The following HK1 variants were observed in gnomAD, a reference collection of about 807,000 sequenced individuals.
The protein encoded by HK1 is hexokinase 1.
HK1 carries 28 observed loss-of-function variants against 91.6 expected under a neutral mutation model. The observed-to-expected ratio is 0.31, with a 90% CI of 0.23 to 0.42. The LOEUF (loss-of-function observed/expected upper bound fraction) is 0.42. HK1 is among the 10% of genes least tolerant of loss of function. HK1 has a pLI of 1.00. For missense variants in HK1, 770 were observed against 1,219.8 expected (o/e 0.63, Z 5.49); for synonymous variants, 430 against 468.1 (o/e 0.92, Z 1.05).
At chr10:69,319,186 C>G in intron 1 of HK1, 176 bp downstream of exon 1, 1 of 779,028 alleles carries the variant, frequency 1.3e-6, no homozygotes, top group Non-Finnish European at 2.1e-6. Flanking sequence ...TTGTCAGTGT[C>G]TCTGTGTGTG....
chr10:69,370,064 G>T (rs1035913064), intron 7 of HK1, among the ~76,000 whole-genome samples: 2 of 152,192 alleles, frequency 1.3e-5, no homozygotes, highest in African/African-American at 2.4e-5. Flanking sequence ...TGCATTATTT[G>T]TTGCTCCTTG....
At chr10:69,393,842 A>G (rs1840020093) in intron 15 of HK1, among the ~76,000 whole-genome samples, 1 of 152,214 alleles carries the variant, frequency 6.6e-6, no homozygotes, top group African/African-American at 2.4e-5. Context: ...CAGGAGGTTG[A>G]GACCACCCTG....
At chr10:69,351,262 C>G (rs1480187187) in intron 2 of HK1, among the ~76,000 whole-genome samples, 2 of 151,990 alleles carry the variant, frequency 1.3e-5, no homozygotes, top group Non-Finnish European at 2.9e-5. Context: ...AATCCCAGCA[C>G]TTTGGGAGGC....
chr10:69,353,828 A>AATG (rs1178873992), intron 2 of HK1, among the ~76,000 whole-genome samples: 2 of 151,986 alleles, frequency 1.3e-5, no homozygotes, highest in Non-Finnish European at 2.9e-5. Context: ...TAAATATGTA[A>AATG]ATGTAAGTGA....
intron 1 of HK1, among the ~76,000 whole-genome samples, chr10:69,324,407 A>G (rs1847209014): frequency 6.6e-6 from 1 of 151,982 alleles, no homozygotes; most frequent in Non-Finnish European, 1.5e-5. Context: ...CCTGACCAAC[A>G]TGGTGAAACC....
In HK1 at chr10:69,380,202, C is replaced by A; in HGVS notation, c.1265+107C>A. 2.3e-6 allele frequency: 2 copies of A among 883,932 alleles called. No homozygotes were observed. The highest frequency in any genetic ancestry group is 2.8e-5 in the South Asian group (2 of 71,438). 54.8% of individuals were successfully genotyped at this position (883,932 alleles called of 1,614,324 possible). On this transcript the variant is annotated intron_variant, in intron 9 of 17. Transcript: ENST00000359426. This position sits in a 1 kb window ranked among gnomAD's most constrained non-coding sequence, Gnocchi z 4.0. ...GGTAAACGTTTTTCGGCAGACAAGACAATGGTGGTCGGGGGCTGTGGCTCA... is the reference window on the plus strand; with the variant it reads ...GGTAAACGTTTTTCGGCAGACAAGAAAATGGTGGTCGGGGGCTGTGGCTCA...
intron 2 of HK1, among the ~76,000 whole-genome samples, chr10:69,283,808 A>AAAAAAAAAAAG (rs1564751495): frequency 3.3e-4 from 48 of 144,738 alleles, no homozygotes; most frequent in African/African-American, 9.1e-4. Context: ...CAAAAAAAAA[A>AAAAAAAAAAAG]AAAAAAAAAG....
intron 9 of HK1, 67 bp from the exon 10 acceptor site, chr10:69,382,420 G>A (rs900454555): frequency 1.4e-6 from 2 of 1,476,692 alleles, no homozygotes; most frequent in African/African-American, 2.8e-5. Context: ...AGAAAGAAAG[G>A]GTGGCCGGAG....
intron 16 of HK1, among the ~76,000 whole-genome samples, chr10:69,397,890 A>G (rs901409380): frequency 6.6e-6 from 1 of 152,216 alleles, no homozygotes; most frequent in Non-Finnish European, 1.5e-5. Flanking sequence ...TATAAATTGA[A>G]CTACAGTCTT....
At chr10:69,270,523 C>A (rs532135739) in intron 1 of HK1, among the ~76,000 whole-genome samples, 1 of 151,768 alleles carries the variant, frequency 6.6e-6, no homozygotes, top group East Asian at 1.9e-4. Context: ...GTAGAGGTTG[C>A]AGTGACCCAA....
intron 5 of HK1, among the ~76,000 whole-genome samples, chr10:69,301,022 A>G (rs1845838751): frequency 6.6e-6 from 1 of 152,068 alleles, no homozygotes; most frequent in African/African-American, 2.4e-5. Context: ...AGGCAGGTGG[A>G]TCACAAGGTC....
At chr10:69,286,956 G>A (rs373943546) in intron 2 of HK1, among the ~76,000 whole-genome samples, 31 of 152,182 alleles carry the variant, frequency 2.0e-4, no homozygotes, top group South Asian at 1.9e-3. Context: ...TTTCAGCCAG[G>A]GCTCTCCATA....
intron 4 of HK1, among the ~76,000 whole-genome samples, chr10:69,367,858 T>C (rs866170090): frequency 4.6e-5 from 7 of 152,258 alleles, no homozygotes; most frequent in African/African-American, 4.8e-5. Flanking sequence ...TATGTAAAAC[T>C]ATCAAAGTAA....
intron 1 of HK1, among the ~76,000 whole-genome samples, chr10:69,336,015 T>C (rs1847961106): frequency 6.6e-6 from 1 of 152,202 alleles, no homozygotes; most frequent in Non-Finnish European, 1.5e-5. Context: ...TCTCTTTATG[T>C]ATGAGTGTTT....
intron 1 of HK1, among the ~76,000 whole-genome samples, chr10:69,342,211 G>A (rs1001969062): frequency 6.0e-5 from 9 of 149,670 alleles, no homozygotes; most frequent in Non-Finnish European, 1.0e-4. Context: ...AAAAACACCA[G>A]TGTTAAGGTC....
At chr10:69,342,303 G>A (rs1423000293) in intron 1 of HK1, among the ~76,000 whole-genome samples, 1 of 152,190 alleles carries the variant, frequency 6.6e-6, no homozygotes, top group African/African-American at 2.4e-5. Context: ...GAGGCACTGG[G>A]GAGGTCAGGG....
At chr10:69,298,689 A>G (rs1291706792) in intron 4 of HK1, among the ~76,000 whole-genome samples, 1 of 151,840 alleles carries the variant, frequency 6.6e-6, no homozygotes, top group African/African-American at 2.4e-5. Context: ...AGAAAATAAG[A>G]TGGCTGATAA....
At chr10:69,386,627 C>T (rs558756674) in intron 13 of HK1, 33 of 414,714 alleles carry the variant, frequency 8.0e-5, no homozygotes, top group Non-Finnish European at 1.3e-4. Flanking sequence ...ACTAAAGTTA[C>T]ACAAATTAGC....
Position 69,382,640 on chromosome 10 carries a change from C to A in HK1, c.1419C>A (p.Thr473=), listed in dbSNP as rs749695674. ...LAEQHRQIEE[T]LAHFHLTKDM... ...AGCAGCACCGGCAGATAGAGGAGAC[C>A]CTGGCTCATTTCCACCTCACCAAGG... Residue 473 remains threonine, a synonymous_variant, in exon 10 of 18, where the codon ACC becomes ACA. Transcript: ENST00000359426. The A allele has an allele frequency of 2.5e-6, 4 of 1,614,052 alleles. No individual in the cohort carries two copies. The highest frequency in any genetic ancestry group is 2.5e-6 in the Non-Finnish European group (3 of 1,180,044).
Sources: allele counts gnomAD v4.1 joint callset (sites outside exome capture counted in the v4.1 genomes callset), GRCh38; gene constraint gnomAD v4.1.1; non-coding constraint Gnocchi (gnomAD v3.1); transcripts MANE v1.5; gene names NCBI Gene and HGNC (gene_info 2026-07-23, HGNC 2026-07-21).